Variants in CSTF2 observed in about 807,000 individuals in gnomAD.
CSTF2 encodes the protein cleavage stimulation factor subunit 2.
A neutral mutation model predicts 45.4 loss-of-function variants in CSTF2; 8 were observed. That is an observed-to-expected ratio of 0.18 (90% CI 0.10 to 0.32). The LOEUF is 0.32. Ranked by LOEUF, CSTF2 falls within the 10% of genes least tolerant of loss-of-function variation. The pLI is 1.00. For missense variants in CSTF2, 253 were observed against 477.1 expected, an observed-to-expected ratio of 0.53 and a Z score of 4.38; for synonymous variants, 155 against 158.9, an observed-to-expected ratio of 0.98 and a Z score of 0.18.
At chrX:100,827,269 A>G (rs1420682198) in intron 7 of CSTF2, among the ~76,000 whole-genome samples, 1 of 112,297 alleles carries the variant, frequency 8.9e-6, no homozygotes, top group African/African-American at 3.2e-5. Flanking sequence ...ATCAGAACAA[A>G]CAACAAAAGG....
chrX:100,837,266 A>C, intron 11 of CSTF2, 73 bp from the exon 12 acceptor site: 2 of 653,877 alleles, frequency 3.1e-6, no homozygotes, highest in Non-Finnish European at 4.7e-6. Flanking sequence ...ATAATTTGTC[A>C]CATTATTACT....
Position 100,825,426 on chromosome X carries a change from A to G in CSTF2, c.702+1169A>G, listed in dbSNP as rs148485594. Among the ~76,000 whole-genome samples, 218 of 112,080 alleles carry G rather than the reference A, an allele frequency of 1.9e-3. 2 individuals are homozygous for G. Among genetic ancestry groups the G allele is most frequent in the African/African-American group, 6.9e-3 (213 of 30,959 alleles). ...CACAAAAGGAGAAATATAAATATAT[A>G]AAAATTTATTCAACTTCAAAATAAG... On this transcript the variant is annotated intron_variant, in intron 6 of 13. Transcript: ENST00000372972.
intron 3 of CSTF2, 102 bp downstream of exon 3, chrX:100,822,522 C>G: frequency 1.2e-6 from 1 of 857,761 alleles, no homozygotes; most frequent in South Asian, 2.4e-5. Context: ...AATGGTTAGC[C>G]ACGCAGCTTG....
intron 11 of CSTF2, among the ~76,000 whole-genome samples, chrX:100,835,641 G>T (rs754522899): frequency 5.5e-5 from 6 of 108,844 alleles, no homozygotes; most frequent in Non-Finnish European, 9.5e-5. Context: ...AAACTTGTGG[G>T]CAAAAGGCTT....
rs1001323715 is a variant in CSTF2, at chrX:100,838,458, C to T, written c.*3+94C>T. On this transcript the variant is annotated intron_variant, in intron 13 of 13. Coordinates refer to ENST00000372972, the MANE Select transcript of CSTF2 (RefSeq NM_001325.3). ...TTAACCAACAAGATTGTTCTCTCAG[C>T]GGCCCTCAATCCACTCAGCTAGACT... 16 of 883,814 alleles carry T rather than the reference C, an allele frequency of 1.8e-5. No homozygotes were observed. In the East Asian group the frequency reaches 2.2e-4, roughly 12 times the overall value. 72.8% of individuals were successfully genotyped at this position (883,814 alleles called of 1,213,427 possible).
At chrX:100,832,410 A>G (rs1384898294) in intron 9 of CSTF2, among the ~76,000 whole-genome samples, 5 of 111,815 alleles carry the variant, frequency 4.5e-5, no homozygotes, top group African/African-American at 1.6e-4. Context: ...AATGTGTCCA[A>G]TATCACACAG....
intron 11 of CSTF2, among the ~76,000 whole-genome samples, chrX:100,833,753 G>A (rs1362779325): frequency 5.4e-5 from 6 of 111,573 alleles, no homozygotes; most frequent in Admixed American, 1.9e-4. Flanking sequence ...TCTTGATTGG[G>A]GTACAAACCA....
At chrX:100,834,078 C>G (rs1027394747) in intron 11 of CSTF2, among the ~76,000 whole-genome samples, 2 of 111,852 alleles carry the variant, frequency 1.8e-5, no homozygotes, top group African/African-American at 6.5e-5. Flanking sequence ...CTTGTCTCCT[C>G]TCTTTTATTT....
chrX:100,837,536 G>T, intron 12 of CSTF2, 87 bp downstream of exon 12: 1 of 554,251 alleles, frequency 1.8e-6, no homozygotes, highest in Non-Finnish European at 2.9e-6. Context: ...ACGATCCTGG[G>T]TCTTCAAAGT....
At chrX:100,838,060 T>A (rs1293991914) in intron 12 of CSTF2, among the ~76,000 whole-genome samples, 179 bp from the exon 13 acceptor site, 1 of 111,287 alleles carries the variant, frequency 9.0e-6, no homozygotes, top group Admixed American at 9.6e-5. Flanking sequence ...TTTTTTATTT[T>A]TTTTGGAGGG....
At chrX:100,834,221 T>C (rs1489423675) in intron 11 of CSTF2, among the ~76,000 whole-genome samples, 2 of 111,189 alleles carry the variant, frequency 1.8e-5, no homozygotes, top group East Asian at 2.8e-4. Context: ...ACCTTCCTTT[T>C]CCCCCCTTCC....
At chrX:100,839,986 A>G (rs1034644829) in intron 13 of CSTF2, among the ~76,000 whole-genome samples, 5 of 111,780 alleles carry the variant, frequency 4.5e-5, no homozygotes, top group Admixed American at 9.5e-5. Flanking sequence ...AGACTCAAGG[A>G]AAGTTGGAAA....
At position 100,822,193 on chromosome X, in the gene CSTF2, T is replaced by C. The variant is rs911709837; in HGVS notation, c.138-58T>C. On this transcript the variant is annotated intron_variant, in intron 2 of 13. Coordinates refer to ENST00000372972, the MANE Select transcript of CSTF2 (RefSeq NM_001325.3). ...GGGCCCAATTAAAGCATGGCAATGTTAGCAGGAACCCTGTATGTGTGTAAC... is the reference window on the plus strand; with the variant it reads ...GGGCCCAATTAAAGCATGGCAATGTCAGCAGGAACCCTGTATGTGTGTAAC... The C allele has an allele frequency of 3.1e-6, 3 of 978,342 alleles. No individual in the cohort carries two copies. In the African/African-American group the frequency reaches 5.8e-5, roughly 19 times the overall value. 80.6% of individuals were successfully genotyped at this position (978,342 alleles called of 1,213,427 possible).
chrX:100,828,684 A>T (rs1366845532), intron 8 of CSTF2, among the ~76,000 whole-genome samples: 1 of 112,078 alleles, frequency 8.9e-6, no homozygotes, highest in African/African-American at 3.2e-5. Flanking sequence ...CAAAATCTCC[A>T]TGTTGTTTCT....
chrX:100,839,235 TG>T (rs2085026658), intron 13 of CSTF2, among the ~76,000 whole-genome samples: 1 of 95,101 alleles, frequency 1.1e-5, no homozygotes, highest in South Asian at 5.2e-4. Flanking sequence ...GGTCACAGAG[TG>T]AGACTCTGTG....
chrX:100,834,110 C>T (rs887440841), intron 11 of CSTF2, among the ~76,000 whole-genome samples: 5 of 111,910 alleles, frequency 4.5e-5, no homozygotes, highest in African/African-American at 1.3e-4. Flanking sequence ...CCTGTGTGTA[C>T]ATGCTCCCTC....
chrX:100,833,356 G>A lies in CSTF2; in HGVS notation c.1384G>A (p.Ala462Thr). The A allele has an allele frequency of 1.7e-6, 2 of 1,210,387 alleles. No homozygotes were observed. Among genetic ancestry groups the A allele is most frequent in the Admixed American group, 2.2e-5 (1 of 45,971 alleles). Reference protein sequence around the residue: ...ARAMEVRGMEARGMDTRGPVP... With the variant: ...ARAMEVRGMETRGMDTRGPVP... ...TGCAATGGAAGTCCGAGGGATGGAGGCCAGAGGCATGGATACCAGAGGCCC... is the reference window on the plus strand; with the variant it reads ...TGCAATGGAAGTCCGAGGGATGGAGACCAGAGGCATGGATACCAGAGGCCC... Residue 462 changes from alanine to threonine, a missense_variant, in exon 11 of 14, where the codon GCC (alanine) becomes ACC (threonine). Transcript: ENST00000372972.
chrX:100,830,913 G>A lies in CSTF2; in HGVS notation c.890-602G>A, dbSNP rs1168227107. 2.9e-6 allele frequency: 3 copies of A among 1,030,675 alleles called. No individual in the cohort carries two copies. The Admixed American group carries it at 7.9e-5, about 27-fold the overall frequency. 84.9% of individuals were successfully genotyped at this position (1,030,675 alleles called of 1,213,427 possible). On this transcript the variant is annotated intron_variant, in intron 8 of 13. Coordinates refer to ENST00000372972, the MANE Select transcript of CSTF2 (RefSeq NM_001325.3). ...TTTCCTTTTGCTTGTGGTGTTCAGGGTGGGACGTTGAGAGGAAAAGAGCTG... is the reference window on the plus strand; with the variant it reads ...TTTCCTTTTGCTTGTGGTGTTCAGGATGGGACGTTGAGAGGAAAAGAGCTG...
In CSTF2 at chrX:100,820,457, C is replaced by G. The variant is rs1418158682; in HGVS notation, c.41C>G (p.Ser14Cys). 1 of 1,210,450 alleles carries G rather than the reference C, an allele frequency of 8.3e-7. No homozygotes were observed. Among genetic ancestry groups the G allele is most frequent in the Non-Finnish European group, 1.1e-6 (1 of 894,905 alleles). ...GTGAGAGACCCAGCGGTGGATCGTT[C>G]TCTACGTTCTGTGTTCGGTGAGAGG... is the stretch of plus-strand genomic sequence containing the variant. ...LTVRDPAVDR[S>C]LRSVFVGNIP... is the part of the protein sequence containing the mutation. The change falls in exon 1 of 14, where the codon TCT becomes TGT. Residue 14 changes from serine to cysteine, a missense_variant. Transcript: ENST00000372972.
Sources: gnomAD v4.1 joint callset for allele counts (sites outside exome capture counted in the v4.1 genomes callset) on GRCh38, gnomAD v4.1.1 for gene constraint, MANE v1.5 for transcripts, NCBI Gene and HGNC (gene_info 2026-07-23, HGNC 2026-07-21) for gene names.